Variants in SMIM13 observed in about 807,000 individuals in gnomAD.
SMIM13 encodes the protein UPF0766 protein C6orf228.
A neutral mutation model predicts 5.9 loss-of-function variants in SMIM13; 3 were observed. The observed-to-expected ratio is 0.51, with a 90% CI of 0.23 to 1.31. The LOEUF is 1.31. Among genes scored for constraint, SMIM13 ranks in the 40% most tolerant of loss-of-function variants. SMIM13 has a pLI of 0.18. For synonymous variants in SMIM13, 55 were observed against 46.0 expected (o/e 1.19, Z -0.79); for missense variants, 85 against 109.9 (o/e 0.77, Z 1.01).
chr6:11,111,384 C>T (rs543535711), intron 1 of SMIM13, among the ~76,000 whole-genome samples: 8 of 152,120 alleles, frequency 5.3e-5, no homozygotes, highest in African/African-American at 1.9e-4. Context: ...CAGAGGAAAC[C>T]CCAGATACTA....
intron 1 of SMIM13, chr6:11,104,402 C>G: frequency 6.4e-7 from 1 of 1,551,634 alleles, no homozygotes; most frequent in Non-Finnish European, 8.7e-7. Context: ...GGTGAATCGA[C>G]TGGCCACAAA....
At chr6:11,105,146 C>T in intron 1 of SMIM13, 1 of 1,614,170 alleles carries the variant, frequency 6.2e-7, no homozygotes, top group Non-Finnish European at 8.5e-7. Flanking sequence ...GATAAGCTGT[C>T]CCTGGTGTTT....
At chr6:11,105,310 T>C (rs1758069199) in intron 1 of SMIM13, 3 of 1,609,152 alleles carry the variant, frequency 1.9e-6, no homozygotes, top group South Asian at 2.2e-5. Context: ...AGCAGGCCCA[T>C]GGTGACCTAA....
At chr6:11,126,292 C>A (rs1421124066) in intron 1 of SMIM13, among the ~76,000 whole-genome samples, 1 of 152,198 alleles carries the variant, frequency 6.6e-6, no homozygotes, top group Non-Finnish European at 1.5e-5. Flanking sequence ...TCGTGATCTG[C>A]CTGCCTCGGC....
chr6:11,114,675 T>C (rs544741978), intron 1 of SMIM13, among the ~76,000 whole-genome samples: 12 of 139,856 alleles, frequency 8.6e-5, no homozygotes, highest in Admixed American at 4.5e-4. Flanking sequence ...CTCGGCTCAC[T>C]GCACCCTCCT....
At chr6:11,129,159 C>G (rs1317873868) in intron 1 of SMIM13, among the ~76,000 whole-genome samples, 1 of 152,020 alleles carries the variant, frequency 6.6e-6, no homozygotes, top group Non-Finnish European at 1.5e-5. Context: ...TTTATACCCA[C>G]TAATCAACCT....
chr6:11,110,218 C>G (rs146243639), intron 1 of SMIM13, among the ~76,000 whole-genome samples: 2 of 152,316 alleles, frequency 1.3e-5, no homozygotes, highest in Non-Finnish European at 2.9e-5. Flanking sequence ...CTGGGTACCC[C>G]TACCCTGATC....
chr6:11,134,297 TA>T, intron 1 of SMIM13, 105 bp from the exon 2 acceptor site: 1 of 693,260 alleles, frequency 1.4e-6, no homozygotes, highest in East Asian at 3.0e-5. Context: ...TAATTATGTA[TA>T]TTTTTATATA....
At chr6:11,100,432 A>G (rs1004740477) in intron 1 of SMIM13, among the ~76,000 whole-genome samples, 3 of 152,010 alleles carry the variant, frequency 2.0e-5, no homozygotes, top group Non-Finnish European at 4.4e-5. Flanking sequence ...GGTATTTCCC[A>G]CGTGTTCAAA....
chr6:11,099,051 TC>T (rs1421507238), intron 1 of SMIM13, among the ~76,000 whole-genome samples: 2 of 152,208 alleles, frequency 1.3e-5, no homozygotes, highest in African/African-American at 4.8e-5. Context: ...CAAATACATT[TC>T]CCTTTTCTTT....
At chr6:11,125,265 A>G (rs1211714145) in intron 1 of SMIM13, among the ~76,000 whole-genome samples, 1 of 132,532 alleles carries the variant, frequency 7.5e-6, no homozygotes, top group African/African-American at 2.9e-5. Flanking sequence ...ACTGCACTCC[A>G]GTCTGGGCAA....
intron 1 of SMIM13, among the ~76,000 whole-genome samples, chr6:11,117,740 GTCTA>G (rs201278090): frequency 4.3e-3 from 647 of 150,846 alleles, no homozygotes; most frequent in African/African-American, 0.015. Context: ...ACAGAATATG[GTCTA>G]TCTTTTTTTT....
At chr6:11,112,267 T>A (rs1015787915) in intron 1 of SMIM13, among the ~76,000 whole-genome samples, 12 of 152,082 alleles carry the variant, frequency 7.9e-5, no homozygotes, top group African/African-American at 2.9e-4. Context: ...GCTTTTTTTT[T>A]TTTGGAGACA....
intron 1 of SMIM13, among the ~76,000 whole-genome samples, chr6:11,117,165 A>ATTTTTTTTTTTTTTTTTTTTTTT (rs34579750): frequency 1.2e-4 from 8 of 69,032 alleles, no homozygotes; most frequent in African/African-American, 4.3e-4. Flanking sequence ...TAATTTTTGT[A>ATTTTTTTTTTTTTTTTTTTTTTT]TTTTTTTTTT....
chr6:11,122,741 T>C (rs1245584381), intron 1 of SMIM13, among the ~76,000 whole-genome samples: 1 of 152,152 alleles, frequency 6.6e-6, no homozygotes, highest in Non-Finnish European at 1.5e-5. Flanking sequence ...AGATTAAAAG[T>C]TTTGGTTAGA....
At chr6:11,116,607 G>C (rs60335916) in intron 1 of SMIM13, among the ~76,000 whole-genome samples, 8 of 152,282 alleles carry the variant, frequency 5.3e-5, no homozygotes, top group African/African-American at 1.7e-4. Flanking sequence ...TTCAGGCACT[G>C]TGTCTGTTTA....
At chr6:11,097,681 A>T (rs924289853) in intron 1 of SMIM13, among the ~76,000 whole-genome samples, 1 of 151,974 alleles carries the variant, frequency 6.6e-6, no homozygotes. Context: ...AAAAAAAAAA[A>T]AAACCTTATC....
At chr6:11,107,216 G>A (rs550451316) in intron 1 of SMIM13, among the ~76,000 whole-genome samples, 1 of 152,280 alleles carries the variant, frequency 6.6e-6, no homozygotes, top group Admixed American at 6.5e-5. Context: ...GTGGTGTTAT[G>A]GTCTCCTGGT....
chr6:11,101,665 G>T (rs906261051), intron 1 of SMIM13, among the ~76,000 whole-genome samples: 1 of 152,044 alleles, frequency 6.6e-6, no homozygotes, highest in African/African-American at 2.4e-5. Context: ...CCTCTGTAGG[G>T]TGTCTTTAAA....
Sources: gnomAD v4.1 joint callset for allele counts (sites outside exome capture counted in the v4.1 genomes callset) on GRCh38, gnomAD v4.1.1 for gene constraint, MANE v1.5 for transcripts, NCBI Gene and HGNC (gene_info 2026-07-23, HGNC 2026-07-21) for gene names.